AFF1: variants seen among roughly 807,000 people sequenced by gnomAD.
The protein encoded by AFF1 is AF4/FMR2 family member 1.
AFF1 carries 48 observed loss-of-function variants against 121.7 expected under a neutral mutation model. That is an observed-to-expected ratio of 0.39 (90% CI 0.31 to 0.50). The LOEUF (loss-of-function observed/expected upper bound fraction) is 0.50, where lower values mean the gene tolerates loss of function less well. Among genes scored for constraint, AFF1 ranks in the 20% least tolerant of loss-of-function variants. AFF1 has a pLI of 0.76. For missense variants in AFF1, 1,523 were observed against 1,511.7 expected (o/e 1.01, Z -0.12); for synonymous variants, 613 against 563.0 (o/e 1.09, Z -1.26).
chr4:87,007,385 C>T (rs903099228), intron 2 of AFF1: 3 of 1,613,966 alleles, frequency 1.9e-6, no homozygotes, highest in Non-Finnish European at 2.5e-6. Flanking sequence ...GGACGGAAGA[C>T]CCCTGGCTCT....
intron 8 of AFF1, among the ~76,000 whole-genome samples, chr4:87,099,874 AAG>A (rs1470408665): frequency 6.6e-6 from 1 of 152,252 alleles, no homozygotes; most frequent in Non-Finnish European, 1.5e-5. Flanking sequence ...CTTCAGGGAA[AAG>A]AGGGGTCCAG....
intron 2 of AFF1, among the ~76,000 whole-genome samples, chr4:86,978,942 G>GTA (rs1723516730): frequency 6.6e-6 from 1 of 152,058 alleles, no homozygotes; most frequent in African/African-American, 2.4e-5. Flanking sequence ...TTTTGACCAG[G>GTA]TATAACTCTT....
At chr4:86,970,951 G>T (rs1201693736) in intron 2 of AFF1, among the ~76,000 whole-genome samples, 1 of 152,202 alleles carries the variant, frequency 6.6e-6, no homozygotes, top group African/African-American at 2.4e-5. Flanking sequence ...GCCAGATTGT[G>T]GAGGGCCTTG....
chr4:87,124,988 T>G (rs1355871576), intron 12 of AFF1, 49 bp from the exon 13 acceptor site: 1 of 1,443,364 alleles, frequency 6.9e-7, no homozygotes, highest in Non-Finnish European at 9.3e-7. Context: ...CTGTTTTGTC[T>G]GTACAATTAT....
chr4:87,019,712 C>T (rs1473832109), intron 2 of AFF1, among the ~76,000 whole-genome samples: 1 of 152,192 alleles, frequency 6.6e-6, no homozygotes, highest in Non-Finnish European at 1.5e-5. Context: ...CACATCTCTT[C>T]ATCTGTGTGC....
chr4:86,995,831 G>GTC, intron 2 of AFF1, among the ~76,000 whole-genome samples: 2 of 150,532 alleles, frequency 1.3e-5, no homozygotes, highest in East Asian at 3.9e-4. Flanking sequence ...AGTGAGGAGC[G>GTC]TCTCTGCCTG....
chr4:87,034,836 A>G (rs578115422), intron 2 of AFF1, among the ~76,000 whole-genome samples: 3 of 151,586 alleles, frequency 2.0e-5, no homozygotes, highest in Admixed American at 2.0e-4. Flanking sequence ...TAGATAATAA[A>G]TAGACTGGCA....
intron 4 of AFF1, among the ~76,000 whole-genome samples, chr4:87,055,937 A>G (rs1560581230): frequency 1.3e-5 from 2 of 152,200 alleles, no homozygotes; most frequent in African/African-American, 4.8e-5. Flanking sequence ...ATAAGCAGCT[A>G]TTTTTACATT....
chr4:86,959,043 G>A (rs1342078077), intron 2 of AFF1, among the ~76,000 whole-genome samples: 1 of 152,194 alleles, frequency 6.6e-6, no homozygotes, highest in African/African-American at 2.4e-5. Flanking sequence ...ACAATCTAGT[G>A]AGTAGAGGCC....
intron 2 of AFF1, among the ~76,000 whole-genome samples, chr4:86,953,709 ATTTTC>A (rs1426510877): frequency 6.6e-6 from 1 of 150,388 alleles, no homozygotes; most frequent in African/African-American, 2.4e-5. Flanking sequence ...AGTTTAGTGC[ATTTTC>A]TTTTCTTTTT....
At chr4:87,089,863 C>A in intron 5 of AFF1, 121 bp from the exon 6 acceptor site, 135 of 566,658 alleles carry the variant, frequency 2.4e-4, no homozygotes, top group Middle Eastern at 6.0e-4. Context: ...CATGAAATAA[C>A]TTTTAAGATT....
chr4:86,969,879 C>CGAAAAAAAAAAA (rs1722813558), intron 2 of AFF1, among the ~76,000 whole-genome samples: 1 of 63,610 alleles, frequency 1.6e-5, no homozygotes, highest in Non-Finnish European at 3.1e-5. Context: ...GACTCCGTCT[C>CGAAAAAAAAAAA]AAAAAAAAAA....
intron 2 of AFF1, chr4:87,007,188 C>A: frequency 1.4e-6 from 2 of 1,384,728 alleles, no homozygotes; most frequent in Non-Finnish European, 1.9e-6. Flanking sequence ...GCCCCAGTGC[C>A]CGGATGTCCA....
At chr4:86,997,894 C>A (rs2149515822) in intron 2 of AFF1, among the ~76,000 whole-genome samples, 1 of 152,136 alleles carries the variant, frequency 6.6e-6, no homozygotes, top group East Asian at 1.9e-4. Context: ...GTCAAGGACT[C>A]CAGACCAGCC....
intron 1 of AFF1, among the ~76,000 whole-genome samples, chr4:86,942,094 A>T (rs971330508): frequency 2.6e-5 from 4 of 152,172 alleles, no homozygotes; most frequent in African/African-American, 9.7e-5. Flanking sequence ...ATTACTCCTG[A>T]AGGAAGAGAT....
chr4:87,006,212 T>G (rs1171382986), intron 2 of AFF1, among the ~76,000 whole-genome samples: 1 of 152,198 alleles, frequency 6.6e-6, no homozygotes, highest in Admixed American at 6.5e-5. Context: ...TGCAGGCAGT[T>G]ATTCAGTATT....
chr4:86,941,384 G>A (rs562148618), intron 1 of AFF1, among the ~76,000 whole-genome samples: 22 of 151,958 alleles, frequency 1.4e-4, no homozygotes, highest in African/African-American at 4.1e-4. Flanking sequence ...CGGGCCGGCC[G>A]CAGTGGGTCA....
chr4:86,974,822 CA>C (rs1723188091), intron 2 of AFF1, among the ~76,000 whole-genome samples: 1 of 152,196 alleles, frequency 6.6e-6, no homozygotes. Flanking sequence ...CGTCGTAATA[CA>C]AAAACCAAGT....
rs1730731763 is a variant in AFF1, at chr4:87,046,739, G to T, written c.204G>T (p.Leu68Phe). 1 of 1,613,938 alleles carries T rather than the reference G, an allele frequency of 6.2e-7. No homozygotes were observed. The highest frequency in any genetic ancestry group is 8.5e-7 in the Non-Finnish European group (1 of 1,179,974). ...DELSSRIQNMLGNYEEVKEFL... is the reference protein window; with the variant it reads ...DELSSRIQNMFGNYEEVKEFL... ...TGTCTAGTCGAATACAGAACATGTT[G>T]GGAAACTACGAAGAAGTGAAGGAGT... Residue 68 changes from leucine (L) to phenylalanine (F), a missense_variant, in exon 4 of 21, where the codon TTG (leucine) becomes TTT (phenylalanine). Physicochemically the swap from Leu to Phe is conservative, Grantham distance 22. Around this residue, in one of 5 missense-constraint regions of AFF1, gnomAD observed 369 missense variants for 367.2 expected, o/e 1.00. Transcript: ENST00000395146.
Sources: allele counts gnomAD v4.1 joint callset (sites outside exome capture counted in the v4.1 genomes callset), GRCh38; gene constraint gnomAD v4.1.1; regional missense constraint gnomAD v4.1.1; transcripts MANE v1.5; gene names NCBI Gene and HGNC (gene_info 2026-07-23, HGNC 2026-07-21).